Variants in BTBD2 observed in about 807,000 individuals in gnomAD.
BTBD2 encodes the protein BTB/POZ domain-containing protein 2.
In BTBD2, 15 loss-of-function variants were observed where a neutral mutation model predicts 44.0. That is an observed-to-expected ratio of 0.34 (90% CI 0.23 to 0.53). The LOEUF (loss-of-function observed/expected upper bound fraction) is 0.53. Among genes scored for constraint, BTBD2 ranks in the 20% least tolerant of loss-of-function variants. The pLI is 0.95. For synonymous variants in BTBD2, 443 were observed against 335.9 expected (o/e 1.32, Z -3.49); for missense variants, 657 against 746.4 (o/e 0.88, Z 1.39).
intron 1 of BTBD2, among the ~76,000 whole-genome samples, chr19:2,010,697 T>A (rs1413864778): frequency 6.6e-6 from 1 of 151,414 alleles, no homozygotes; most frequent in Non-Finnish European, 1.5e-5. Flanking sequence ...TGGAGTGCAG[T>A]GGCGCAATCT....
rs1007148026 is a variant in BTBD2, at chr19:2,012,239, A to G, written c.407+3058T>C. ...GCAATCTCGGTTCCCTGCAACCTCCACCTCCTGGGTTCACGAGATTCTCCT... is the reference window on the plus strand; with the variant it reads ...GCAATCTCGGTTCCCTGCAACCTCCGCCTCCTGGGTTCACGAGATTCTCCT... On this transcript the variant is annotated intron_variant, in intron 1 of 8. Coordinates refer to ENST00000255608, the MANE Select transcript of BTBD2 (RefSeq NM_017797.4). Among the ~76,000 whole-genome samples, 81 of 133,308 alleles carry G rather than the reference A, an allele frequency of 6.1e-4. 3 individuals are homozygous for G. Among genetic ancestry groups the G allele is most frequent in the African/African-American group, 2.3e-3 (77 of 34,126 alleles). The allele number at this position is 133,308 out of a possible 152,430, so 87.5% of individuals were successfully genotyped here.
At chr19:1,999,523 A>G (rs1488822643) in intron 1 of BTBD2, among the ~76,000 whole-genome samples, 5 of 152,124 alleles carry the variant, frequency 3.3e-5, no homozygotes, top group Admixed American at 2.0e-4. Flanking sequence ...AAAATTAGCC[A>G]GGCATCGTGG....
chr19:2,007,638 G>A (rs1021256142), intron 1 of BTBD2, among the ~76,000 whole-genome samples: 20 of 152,030 alleles, frequency 1.3e-4, no homozygotes, highest in Admixed American at 2.6e-4. Flanking sequence ...AGACCAGCCC[G>A]GCCAAAATGG....
At chr19:1,995,116 T>C (rs759228122) in intron 2 of BTBD2, among the ~76,000 whole-genome samples, 18 of 151,926 alleles carry the variant, frequency 1.2e-4, no homozygotes, top group Non-Finnish European at 5.9e-5. Context: ...TACAGGTGCC[T>C]GCTACCATGC....
intron 1 of BTBD2, among the ~76,000 whole-genome samples, chr19:2,010,044 C>T (rs1361856044): frequency 4.6e-5 from 7 of 151,834 alleles, no homozygotes; most frequent in Non-Finnish European, 1.0e-4. Context: ...CCCAGCTACT[C>T]GGGAGGCTGA....
intron 7 of BTBD2, 39 bp downstream of exon 7, chr19:1,987,127 G>T (rs768079814): frequency 6.2e-7 from 1 of 1,603,990 alleles, no homozygotes; most frequent in Non-Finnish European, 8.5e-7. Flanking sequence ...GAGGACATGG[G>T]CCTGAGTGGG....
At chr19:2,008,011 T>C (rs2016416653) in intron 1 of BTBD2, among the ~76,000 whole-genome samples, 2 of 151,484 alleles carry the variant, frequency 1.3e-5, no homozygotes, top group Non-Finnish European at 2.9e-5. Context: ...AGAAAGTCTT[T>C]TTTTTTTTTT....
chr19:1,987,597 G>T lies in BTBD2; in HGVS notation c.1084C>A (p.Arg362=). 1.2e-6 allele frequency: 2 copies of T among 1,612,678 alleles called. No homozygotes were observed. Among genetic ancestry groups the T allele is most frequent in the Non-Finnish European group, 1.7e-6 (2 of 1,179,684 alleles). Residue 362 remains arginine (R), a synonymous_variant, in exon 6 of 9, where the codon CGG becomes AGG. Coordinates refer to ENST00000255608, the MANE Select transcript of BTBD2 (RefSeq NM_017797.4). ...TTCCCACGCAGGCAGCAGCGGGGCC[G>T]GTCAATGAACTCCACTCGTGGCTTG... ...NPKPRVEFID[R]PRCCLRGKEC...
intron 1 of BTBD2, among the ~76,000 whole-genome samples, chr19:2,009,228 TCA>T (rs1846622256): frequency 6.6e-6 from 1 of 150,938 alleles, no homozygotes; most frequent in Non-Finnish European, 1.5e-5. Flanking sequence ...AGGCGGAGTC[TCA>T]GTCTGTCACC....
intron 1 of BTBD2, among the ~76,000 whole-genome samples, chr19:1,999,828 G>C (rs1396493304): frequency 2.6e-5 from 4 of 151,994 alleles, no homozygotes; most frequent in Non-Finnish European, 5.9e-5. Context: ...TGGGCGTGGT[G>C]GTGGGTGCCT....
chr19:1,990,916 A>G (rs981562673), intron 3 of BTBD2, 94 bp from the exon 4 acceptor site: 9 of 1,147,036 alleles, frequency 7.8e-6, no homozygotes, highest in Non-Finnish European at 1.1e-5. Context: ...TGCAGCCCTG[A>G]CCACACGGGC....
In BTBD2 at chr19:2,014,793, G is replaced by A. The variant is rs558183125; in HGVS notation, c.407+504C>T. 9 of 165,152 alleles carry A rather than the reference G, an allele frequency of 5.4e-5. 1 individual carries two copies. In the South Asian group the frequency reaches 1.2e-3, roughly 22 times the overall value. The allele number at this position is 165,152 out of a possible 1,614,324, so 10.2% of individuals were successfully genotyped here. A position where few individuals can be genotyped will look rare whatever the true frequency, so the allele number is the denominator to read the frequency against. On this transcript the variant is annotated intron_variant, in intron 1 of 8. Transcript: ENST00000255608. ...GTGCAGGCTGGGTGGGTCCAGGGAC[G>A]GAGGAGAGCAGGGGTCCCAGGGGTA... is the stretch of plus-strand genomic sequence containing the variant.
At chr19:1,992,000 C>T (rs1377720076) in intron 3 of BTBD2, 2 of 152,170 alleles carry the variant, frequency 1.3e-5, no homozygotes, top group African/African-American at 4.8e-5. Context: ...AGGAGAATCG[C>T]TTGAACGCTG....
intron 2 of BTBD2, among the ~76,000 whole-genome samples, 177 bp downstream of exon 2, chr19:1,997,167 G>A (rs1046074052): frequency 3.3e-5 from 5 of 151,756 alleles, no homozygotes; most frequent in African/African-American, 7.3e-5. Context: ...GCAACAGAGC[G>A]AGACTCCATC....
Position 1,986,625 on chromosome 19 carries a change from T to C in BTBD2, c.1441A>G (p.Lys481Glu). 1.2e-6 allele frequency: 2 copies of C among 1,613,898 alleles called. No homozygotes were observed. Among genetic ancestry groups the C allele is most frequent in the Non-Finnish European group, 1.7e-6 (2 of 1,179,882 alleles). The change falls in exon 9 of 9, where the codon AAA becomes GAA. Residue 481 changes from lysine to glutamate, a missense_variant. Around this residue, in one of 3 missense-constraint regions of BTBD2, gnomAD observed 449 missense variants for 510.9 expected, o/e 0.88. Transcript: ENST00000255608. ...TCGTGTGTCACCTTGCGCAGGCCTT[T>C]GGTGCCGTAGTGGGAGTCTGGGCCC... ...LKGPDSHYGT[K>E]GLRKVTHESP...
Position 1,987,582 on chromosome 19 carries a change from G to A in BTBD2, c.1099C>T (p.Leu367=), listed in dbSNP as rs1196722145. ...VEFIDRPRCC[L]RGKECSINRF... ...TTGATGCTGCACTCCTTCCCACGCA[G>A]GCAGCAGCGGGGCCGGTCAATGAAC... The change falls in exon 6 of 9, where the codon CTG becomes TTG. Residue 367 remains leucine, a synonymous_variant. Transcript: ENST00000255608. The A allele has an allele frequency of 6.2e-7, 1 of 1,612,586 alleles. No individual in the cohort carries two copies. Among genetic ancestry groups the A allele is most frequent in the Non-Finnish European group, 8.5e-7 (1 of 1,179,698 alleles).
intron 2 of BTBD2, among the ~76,000 whole-genome samples, chr19:1,996,593 C>T (rs1455582421): frequency 6.8e-6 from 1 of 146,890 alleles, no homozygotes; most frequent in Non-Finnish European, 1.5e-5. Context: ...AAAAGAAAAG[C>T]AGGGAACTGG....
At chr19:1,999,186 G>T (rs1027123130) in intron 1 of BTBD2, among the ~76,000 whole-genome samples, 4 of 152,162 alleles carry the variant, frequency 2.6e-5, no homozygotes, top group Non-Finnish European at 5.9e-5. Flanking sequence ...CCCAGGGCTT[G>T]ACTGCACCCC....
rs560916629 is a variant in BTBD2 at position 2,000,116 on chromosome 19, G to T, written c.408-2653C>A. 2.0e-5 allele frequency among the ~76,000 whole-genome samples: 3 copies of T among 152,340 alleles called. No individual in the cohort carries two copies. In the East Asian group the frequency reaches 5.8e-4, roughly 29 times the overall value. On this transcript the variant is annotated intron_variant, in intron 1 of 8. Coordinates refer to ENST00000255608, the MANE Select transcript of BTBD2 (RefSeq NM_017797.4). ...GAGGATCCTCCCTTGAGCCTCCAGA[G>T]GGAGCGCCGCCCTCGGACGCCTTGA...
Sources: allele counts gnomAD v4.1 joint callset (sites outside exome capture counted in the v4.1 genomes callset), GRCh38; gene constraint gnomAD v4.1.1; regional missense constraint gnomAD v4.1.1; transcripts MANE v1.5; gene names NCBI Gene and HGNC (gene_info 2026-07-23, HGNC 2026-07-21).